Variants in SCUBE1 observed in about 807,000 individuals in gnomAD.
SCUBE1 encodes the protein signal peptide, CUB and EGF-like domain-containing protein 1.
Under a neutral mutation model 124.4 loss-of-function variants are expected in SCUBE1, and 59 were observed. The observed-to-expected ratio is 0.47, with a 90% CI of 0.38 to 0.59. The LOEUF is 0.59. Among genes scored for constraint, SCUBE1 ranks in the 20% least tolerant of loss-of-function variants. SCUBE1 has a pLI of 0.00. For missense variants in SCUBE1, 1,150 were observed against 1,371.2 expected, an observed-to-expected ratio of 0.84 and a Z score of 2.55; for synonymous variants, 545 against 550.9, an observed-to-expected ratio of 0.99 and a Z score of 0.15.
At chr22:43,230,925 G>A (rs886977286) in intron 8 of SCUBE1, among the ~76,000 whole-genome samples, 2 of 152,192 alleles carry the variant, frequency 1.3e-5, no homozygotes, top group African/African-American at 2.4e-5. Context: ...CCCAGACAAG[G>A]CCACATGCTG....
intron 8 of SCUBE1, among the ~76,000 whole-genome samples, chr22:43,231,229 C>T (rs2146678791): frequency 6.6e-6 from 1 of 152,348 alleles, no homozygotes; most frequent in East Asian, 1.9e-4. Context: ...CCAACGGACC[C>T]TCCCCGTAGC....
intron 10 of SCUBE1, among the ~76,000 whole-genome samples, chr22:43,226,966 T>A (rs1008777318): frequency 6.6e-6 from 1 of 151,814 alleles, no homozygotes; most frequent in African/African-American, 2.4e-5. Flanking sequence ...ACCCTCCTCC[T>A]CCCCCTCAGC....
At chr22:43,339,802 T>TC (rs372747365) in intron 1 of SCUBE1, among the ~76,000 whole-genome samples, 41 of 45,162 alleles carry the variant, frequency 9.1e-4, no homozygotes, top group African/African-American at 2.1e-3. Flanking sequence ...GCTTCAACCC[T>TC]CCCCCACTCT....
rs970417152 is a variant in SCUBE1 at position 43,262,659 on chromosome 22, T to A, written c.610+61A>T. On this transcript the variant is annotated intron_variant, in intron 5 of 21. Coordinates refer to ENST00000360835, the MANE Select transcript of SCUBE1 (RefSeq NM_173050.5). ...AAAGTCCAGCAGACTGGACAGACCCTCCAGAAAGTAATGGCAGGAGACGCA... is the reference window on the plus strand; with the variant it reads ...AAAGTCCAGCAGACTGGACAGACCCACCAGAAAGTAATGGCAGGAGACGCA... The A allele has an allele frequency of 1.9e-6, 3 of 1,599,918 alleles. No individual in the cohort carries two copies. In the African/African-American group the frequency reaches 4.0e-5, roughly 21 times the overall value.
chr22:43,237,749 C>T (rs1052454817), intron 7 of SCUBE1: 5 of 152,186 alleles, frequency 3.3e-5, no homozygotes, highest in African/African-American at 7.2e-5. Flanking sequence ...TTTAAGTCAC[C>T]CTAACCTCCA....
intron 3 of SCUBE1, among the ~76,000 whole-genome samples, chr22:43,297,415 T>C (rs962160195): frequency 3.9e-5 from 6 of 152,258 alleles, no homozygotes; most frequent in Admixed American, 6.5e-5. Flanking sequence ...GTACCCAGCA[T>C]GAGCACAGCT....
chr22:43,288,124 G>A (rs10483218), intron 4 of SCUBE1, among the ~76,000 whole-genome samples: 10 of 152,184 alleles, frequency 6.6e-5, no homozygotes, highest in Admixed American at 2.0e-4. Flanking sequence ...CACAAAAATC[G>A]TAAGGAGAGA....
intron 3 of SCUBE1, among the ~76,000 whole-genome samples, chr22:43,312,209 G>C (rs1279765925): frequency 6.6e-6 from 1 of 152,220 alleles, no homozygotes; most frequent in Non-Finnish European, 1.5e-5. Context: ...ACTGCACTAG[G>C]TTCCAAGAAG....
intron 4 of SCUBE1, among the ~76,000 whole-genome samples, chr22:43,277,464 G>A (rs927614668): frequency 9.2e-5 from 14 of 152,202 alleles, no homozygotes; most frequent in Admixed American, 3.3e-4. Flanking sequence ...GCAGCATGGC[G>A]AGACAGGGGC....
Position 43,248,816 on chromosome 22 carries a change from G to C in SCUBE1, c.727+9403C>G, listed in dbSNP as rs533160983. ...CTTCCAAGCACGTCCAGGCTGCAGG[G>C]CCTGCCCTCTCTCTGAGCTGGATAC... is the stretch of plus-strand genomic sequence containing the variant. On this transcript the variant is annotated intron_variant, in intron 6 of 21. Transcript: ENST00000360835. 4.4e-4 allele frequency among the ~76,000 whole-genome samples: 67 copies of C among 152,280 alleles called. No individual in the cohort carries two copies. The South Asian group carries it at 0.014, about 31-fold the overall frequency.
At chr22:43,273,585 T>TTTTTTTTTTA (rs3047359) in intron 4 of SCUBE1, among the ~76,000 whole-genome samples, 5 of 143,456 alleles carry the variant, frequency 3.5e-5, no homozygotes, top group Admixed American at 6.9e-5. Flanking sequence ...TTTTTTTTTT[T>TTTTTTTTTTA]GAGACAGAGT....
chr22:43,290,611 G>A (rs945050463), intron 4 of SCUBE1, among the ~76,000 whole-genome samples: 6 of 152,248 alleles, frequency 3.9e-5, no homozygotes, highest in Non-Finnish European at 7.3e-5. Flanking sequence ...CTCTCCTGGC[G>A]GGAAACCCAA....
intron 4 of SCUBE1, among the ~76,000 whole-genome samples, chr22:43,272,839 G>A (rs573777807): frequency 6.6e-6 from 1 of 152,340 alleles, no homozygotes; most frequent in Admixed American, 6.5e-5. Context: ...GCATCTAGGT[G>A]AAGCCTCTCC....
Position 43,304,618 on chromosome 22 carries a change from T to C in SCUBE1, c.350-13438A>G, listed in dbSNP as rs1601875952. Among the ~76,000 whole-genome samples, 5 of 152,156 alleles carry C rather than the reference T, an allele frequency of 3.3e-5. No homozygotes were observed. The East Asian group carries it at 9.7e-4, about 29-fold the overall frequency. On this transcript the variant is annotated intron_variant, in intron 3 of 21. Coordinates refer to ENST00000360835, the MANE Select transcript of SCUBE1 (RefSeq NM_173050.5). ...TGTGTGTGTCTGTGTGTGTGTGTAA[T>C]CTCTGGGTCTAAGACCAGGAGAGCA...
At chr22:43,322,376 AC>A (rs1202541633) in intron 2 of SCUBE1, among the ~76,000 whole-genome samples, 2 of 152,044 alleles carry the variant, frequency 1.3e-5, no homozygotes, top group Non-Finnish European at 2.9e-5. Flanking sequence ...TAATGCAACC[AC>A]CTCTTCCCCT....
Position 43,210,874 on chromosome 22 carries a change from A to G in SCUBE1, c.2383+48T>C, listed in dbSNP as rs757733971. Reference sequence around the variant, plus strand: ...CTCCTCCCGCCCCCACAACCTGCCCAGCCCCTCCCGTGTTCCCAGCTTCCC... The same window carrying G: ...CTCCTCCCGCCCCCACAACCTGCCCGGCCCCTCCCGTGTTCCCAGCTTCCC... On this transcript the variant is annotated intron_variant, in intron 18 of 21. Transcript: ENST00000360835. This position sits in a 1 kb window ranked among gnomAD's most constrained non-coding sequence, Gnocchi z 4.5. 1.3e-6 allele frequency: 2 copies of G among 1,567,914 alleles called. No individual in the cohort carries two copies. The highest frequency in any genetic ancestry group is 1.7e-6 in the Non-Finnish European group (2 of 1,147,604).
intron 15 of SCUBE1, among the ~76,000 whole-genome samples, chr22:43,214,957 T>C (rs79294304): frequency 0.012 from 1,762 of 152,254 alleles, 36 homozygotes; most frequent in African/African-American, 0.04. Context: ...GGCACTGGCA[T>C]GAATTCATGG....
intron 2 of SCUBE1, among the ~76,000 whole-genome samples, chr22:43,325,857 A>G (rs1424255330): frequency 6.6e-6 from 1 of 152,082 alleles, no homozygotes; most frequent in African/African-American, 2.4e-5. Context: ...ATTGAAAGGC[A>G]GCGTGCGCAC....
intron 2 of SCUBE1, among the ~76,000 whole-genome samples, chr22:43,331,960 TA>T (rs1187566265): frequency 2.6e-5 from 4 of 151,966 alleles, no homozygotes; most frequent in Non-Finnish European, 4.4e-5. Context: ...TTTGAGGAAC[TA>T]AAAAAAGACA....
Sources: gnomAD v4.1 joint callset for allele counts (sites outside exome capture counted in the v4.1 genomes callset) on GRCh38, gnomAD v4.1.1 for gene constraint, Gnocchi (gnomAD v3.1) non-coding constraint, MANE v1.5 for transcripts, NCBI Gene and HGNC (gene_info 2026-07-23, HGNC 2026-07-21) for gene names.